The following CEP85L variants were observed in gnomAD, a reference collection of about 807,000 sequenced individuals.
The protein encoded by CEP85L is centrosomal protein 85L.
A neutral mutation model predicts 100.3 loss-of-function variants in CEP85L; 60 were observed. That is an observed-to-expected ratio of 0.60 (90% CI 0.49 to 0.74). CEP85L has a LOEUF of 0.74. Among genes scored for constraint, CEP85L ranks in the 30% least tolerant of loss-of-function variants. The pLI is 0.00. For missense variants in CEP85L, 973 were observed against 936.2 expected (o/e 1.04, Z -0.51); for synonymous variants, 319 against 322.7 (o/e 0.99, Z 0.12).
chr6:118,641,696 G>A (rs73530804), intron 1 of CEP85L, among the ~76,000 whole-genome samples: 1,695 of 152,106 alleles, frequency 0.011, 42 homozygotes, highest in African/African-American at 0.039. Flanking sequence ...TGGATTTGTG[G>A]CTCTATATTA....
intron 6 of CEP85L, among the ~76,000 whole-genome samples, chr6:118,486,965 C>T (rs1369572411): frequency 6.6e-6 from 1 of 151,892 alleles, no homozygotes; most frequent in African/African-American, 2.4e-5. Flanking sequence ...GTGCTACATA[C>T]GCCACAGAGA....
chr6:118,650,645 G>A (rs1036188805), intron 1 of CEP85L, among the ~76,000 whole-genome samples: 4 of 152,148 alleles, frequency 2.6e-5, no homozygotes, highest in Non-Finnish European at 5.9e-5. Context: ...GGCTGAGAGC[G>A]GCCGCATCTC....
At chr6:118,680,920 A>T (rs1480280759) in intron 1 of CEP85L, among the ~76,000 whole-genome samples, 3 of 152,090 alleles carry the variant, frequency 2.0e-5, no homozygotes, top group Non-Finnish European at 4.4e-5. Context: ...TGCCTGACTA[A>T]AACCAGATAG....
chr6:118,496,925 A>G (rs1438511704), intron 5 of CEP85L, among the ~76,000 whole-genome samples: 4 of 152,272 alleles, frequency 2.6e-5, no homozygotes, highest in Admixed American at 2.6e-4. Context: ...GGCAATGCAT[A>G]AACATTGGGA....
intron 1 of CEP85L, among the ~76,000 whole-genome samples, chr6:118,666,568 C>T (rs1776140348): frequency 6.6e-6 from 1 of 152,038 alleles, no homozygotes; most frequent in Admixed American, 6.5e-5. Context: ...TAGTTAATAC[C>T]CCACTTTATA....
chr6:118,558,003 C>T (rs1308610438), intron 3 of CEP85L, among the ~76,000 whole-genome samples: 1 of 150,404 alleles, frequency 6.6e-6, no homozygotes, highest in East Asian at 1.9e-4. Context: ...TTTGCTCTGT[C>T]ACCCAGGCTG....
intron 3 of CEP85L, among the ~76,000 whole-genome samples, chr6:118,556,089 T>A (rs947172852): frequency 2.0e-5 from 3 of 152,218 alleles, no homozygotes; most frequent in Admixed American, 6.5e-5. Flanking sequence ...TTTGCTATTG[T>A]GAATAGTGCT....
chr6:118,560,498 T>C (rs927012600), intron 3 of CEP85L: 2 of 167,010 alleles, frequency 1.2e-5, no homozygotes, highest in Admixed American at 6.5e-5. Flanking sequence ...AGAGAAGGCG[T>C]TGGTCTTGCA....
At chr6:118,553,068 T>C (rs1271351477) in intron 3 of CEP85L, among the ~76,000 whole-genome samples, 2 of 152,128 alleles carry the variant, frequency 1.3e-5, no homozygotes, top group African/African-American at 4.8e-5. Context: ...TTAGGCCATA[T>C]ACAAGTTCAG....
intron 3 of CEP85L, among the ~76,000 whole-genome samples, chr6:118,562,669 T>C (rs1779293351): frequency 6.6e-6 from 1 of 152,162 alleles, no homozygotes; most frequent in Non-Finnish European, 1.5e-5. Flanking sequence ...TCCAAATTTT[T>C]TGTTTATACA....
At chr6:118,584,333 T>G (rs1396062352) in intron 2 of CEP85L, among the ~76,000 whole-genome samples, 1 of 152,258 alleles carries the variant, frequency 6.6e-6, no homozygotes, top group South Asian at 2.1e-4. Context: ...GTTGAGAATA[T>G]TTCTTCCTTT....
At chr6:118,484,658 T>C (rs994862147) in intron 6 of CEP85L, among the ~76,000 whole-genome samples, 1 of 152,246 alleles carries the variant, frequency 6.6e-6, no homozygotes, top group African/African-American at 2.4e-5. Flanking sequence ...ATCAGTGAAG[T>C]ATTCATCTCT....
intron 1 of CEP85L, among the ~76,000 whole-genome samples, chr6:118,699,420 AT>A (rs1486128142): frequency 6.0e-5 from 9 of 149,322 alleles, no homozygotes; most frequent in African/African-American, 2.0e-4. Flanking sequence ...ACACCACTGC[AT>A]GTCAGCCTGG....
At chr6:118,672,374 A>AT (rs900087913) in intron 1 of CEP85L, among the ~76,000 whole-genome samples, 23 of 152,104 alleles carry the variant, frequency 1.5e-4, no homozygotes, top group East Asian at 1.2e-3. Context: ...ATTAAAGTTA[A>AT]TTTTTTTTAA....
chr6:118,652,846 G>T (rs1337992676), upstream of CEP85L: 4 of 833,726 alleles, frequency 4.8e-6, no homozygotes, highest in Non-Finnish European at 7.6e-6. Flanking sequence ...AAAGACGAAT[G>T]TGATTGGTTC....
chr6:118,615,202 T>C (rs577731584), intron 2 of CEP85L, among the ~76,000 whole-genome samples: 12 of 152,238 alleles, frequency 7.9e-5, no homozygotes, highest in African/African-American at 2.6e-4. Context: ...AAAATTCCTA[T>C]CAAATTCCTA....
intron 10 of CEP85L, among the ~76,000 whole-genome samples, chr6:118,475,908 A>G (rs1357667276): frequency 6.6e-6 from 1 of 152,178 alleles, no homozygotes; most frequent in Non-Finnish European, 1.5e-5. Flanking sequence ...GCCAGACTAT[A>G]TGGCAAAGTT....
intron 3 of CEP85L, among the ~76,000 whole-genome samples, chr6:118,533,907 C>T (rs1349849574): frequency 6.6e-6 from 1 of 151,974 alleles, no homozygotes; most frequent in African/African-American, 2.4e-5. Context: ...CCAACCTGGC[C>T]AACATGGTGA....
intron 2 of CEP85L, among the ~76,000 whole-genome samples, chr6:118,570,308 G>A (rs1376260531): frequency 6.6e-6 from 1 of 152,132 alleles, no homozygotes; most frequent in Non-Finnish European, 1.5e-5. Context: ...GACCTCAAAA[G>A]AGTTTAAAAT....
Sources: allele counts gnomAD v4.1 joint callset (sites outside exome capture counted in the v4.1 genomes callset), GRCh38; gene constraint gnomAD v4.1.1; transcripts MANE v1.5; gene names NCBI Gene and HGNC (gene_info 2026-07-23, HGNC 2026-07-21).